Variants in GPHN observed in about 807,000 individuals in gnomAD.
GPHN encodes the protein gephyrin.
A neutral mutation model predicts 95.5 loss-of-function variants in GPHN; 17 were observed. The observed-to-expected ratio is 0.18, with a 90% CI of 0.12 to 0.27. The LOEUF (loss-of-function observed/expected upper bound fraction) is 0.27. Among genes scored for constraint, GPHN ranks in the 10% least tolerant of loss-of-function variants. GPHN has a pLI of 1.00. For synonymous variants in GPHN, 320 were observed against 322.5 expected, an observed-to-expected ratio of 0.99 and a Z score of 0.08; for missense variants, 660 against 978.1, an observed-to-expected ratio of 0.67 and a Z score of 4.34.
chr14:67,000,532 C>A (rs1462372994), intron 9 of GPHN, among the ~76,000 whole-genome samples: 1 of 151,540 alleles, frequency 6.6e-6, no homozygotes, highest in Non-Finnish European at 1.5e-5. Flanking sequence ...ATATATTTAT[C>A]TACAGTGCTC....
chr14:67,280,284 C>T, the GPHN span, among the ~76,000 whole-genome samples: 3 of 152,194 alleles, frequency 2.0e-5, no homozygotes, highest in African/African-American at 7.2e-5. Context: ...CCTTCTTGCA[C>T]GTGCACATAC....
the GPHN span, among the ~76,000 whole-genome samples, chr14:67,482,700 T>C: frequency 6.6e-6 from 1 of 152,184 alleles, no homozygotes. Flanking sequence ...CCTGTTGTCA[T>C]CAAGTTAGCA....
chr14:67,316,921 G>T, the GPHN span: 2 of 1,595,540 alleles, frequency 1.3e-6, no homozygotes, highest in Non-Finnish European at 1.7e-6. Flanking sequence ...ACTTGTATTT[G>T]ACATAAGTAA....
chr14:67,555,945 G>C, the GPHN span: 1 of 1,592,492 alleles, frequency 6.3e-7, no homozygotes, highest in South Asian at 1.1e-5. Flanking sequence ...GGCCCTTCCA[G>C]GCCCTTCCCA....
intron 7 of GPHN, 110 bp from the exon 8 acceptor site, chr14:66,924,084 C>G: frequency 1.4e-6 from 1 of 708,220 alleles, no homozygotes; most frequent in Non-Finnish European, 2.6e-6. Context: ...AAAATGTTAG[C>G]ATTTCATTTT....
In GPHN at chr14:66,922,716, A is replaced by G; in HGVS notation, c.507A>G (p.Leu169=). The change falls in exon 7 of 23, where the codon TTA becomes TTG. Residue 169 remains leucine (L), a synonymous_variant. Coordinates refer to ENST00000478722, the MANE Select transcript of GPHN (RefSeq NM_020806.5). ...LPALPHAIDL[L]RDAIVKVKEV... ...CTCTACCTCATGCCATTGACCTTTT[A>G]CGTGATGCCATTGTAAAAGTAAAGG... is the stretch of plus-strand genomic sequence containing the variant. 6.2e-7 allele frequency: 1 copy of G among 1,613,596 alleles called. No homozygotes were observed. The highest frequency in any genetic ancestry group is 1.1e-5 in the South Asian group (1 of 91,068).
chr14:66,771,948 G>C (rs913304287), intron 2 of GPHN, among the ~76,000 whole-genome samples: 2 of 151,872 alleles, frequency 1.3e-5, no homozygotes, highest in African/African-American at 4.8e-5. Context: ...TTTCTCCTAG[G>C]AGCAGTGGTT....
At chr14:66,679,499 T>A (rs1235737649) in intron 1 of GPHN, among the ~76,000 whole-genome samples, 3 of 152,222 alleles carry the variant, frequency 2.0e-5, no homozygotes, top group Admixed American at 6.5e-5. Flanking sequence ...TTTGGGCTAG[T>A]CTCAGCAATT....
chr14:67,495,542 G>C, the GPHN span, among the ~76,000 whole-genome samples: 102 of 151,706 alleles, frequency 6.7e-4, no homozygotes, highest in African/African-American at 2.3e-3. Flanking sequence ...GAGTGCAATG[G>C]CACAATCTCA....
At chr14:67,357,251 A>G in the GPHN span, among the ~76,000 whole-genome samples, 2 of 152,230 alleles carry the variant, frequency 1.3e-5, no homozygotes, top group Non-Finnish European at 2.9e-5. Context: ...ACAAGCTGCC[A>G]GTATATTTTC....
chr14:67,343,819 G>A, the GPHN span, among the ~76,000 whole-genome samples: 1 of 152,230 alleles, frequency 6.6e-6, no homozygotes. Context: ...CTGTGCCACT[G>A]TACTCCAGCT....
At chr14:67,310,422 T>C in the GPHN span, among the ~76,000 whole-genome samples, 1 of 152,200 alleles carries the variant, frequency 6.6e-6, no homozygotes, top group Admixed American at 6.5e-5. Flanking sequence ...TCAGTGTTTC[T>C]AGAAATCAGG....
In GPHN at chr14:67,122,241, T is replaced by C. The variant is rs1315714243; in HGVS notation, c.1627-15T>C. On this transcript the variant is annotated splice_polypyrimidine_tract_variant and intron_variant, in intron 16 of 22. Coordinates refer to ENST00000478722, the MANE Select transcript of GPHN (RefSeq NM_020806.5). ...ACCTAATAGAATAATTTGTGGTGGT[T>C]TTTTGGCTTTGTAGCTGCTAAATCC... 2 of 1,613,152 alleles carry C rather than the reference T, an allele frequency of 1.2e-6. No individual in the cohort carries two copies. The highest frequency in any genetic ancestry group is 1.7e-5 in the Admixed American group (1 of 60,016).
At chr14:67,651,570 G>A in the GPHN span, 2 of 1,426,258 alleles carry the variant, frequency 1.4e-6, no homozygotes, top group South Asian at 2.6e-5. Context: ...ACCACGGCTG[G>A]ATACTCTGAG....
chr14:67,619,921 C>T, the GPHN span: 331 of 1,241,772 alleles, frequency 2.7e-4, no homozygotes, highest in Non-Finnish European at 3.4e-4. Context: ...GTGGCGCTCA[C>T]TCCCGGCTTC....
chr14:66,723,510 G>A (rs2153429292), intron 2 of GPHN, among the ~76,000 whole-genome samples: 1 of 152,044 alleles, frequency 6.6e-6, no homozygotes, highest in Non-Finnish European at 1.5e-5. Context: ...AAATTTTGTT[G>A]TTGACAAATC....
At chr14:66,953,891 T>C (rs2068293463) in intron 8 of GPHN, among the ~76,000 whole-genome samples, 1 of 152,062 alleles carries the variant, frequency 6.6e-6, no homozygotes, top group Admixed American at 6.6e-5. Context: ...AAAAATTAGC[T>C]GGGCATAGTG....
chr14:67,483,277 C>T, the GPHN span, among the ~76,000 whole-genome samples: 3 of 152,208 alleles, frequency 2.0e-5, no homozygotes, highest in Admixed American at 2.0e-4. Context: ...TCCCAAAGTG[C>T]TGGGATTATA....
intron 10 of GPHN, among the ~76,000 whole-genome samples, chr14:67,054,505 C>T (rs2075456358): frequency 1.3e-5 from 2 of 152,214 alleles, no homozygotes; most frequent in African/African-American, 2.4e-5. Context: ...GAATCAATAT[C>T]ATGAAAATGG....
Sources: allele counts gnomAD v4.1 joint callset (sites outside exome capture counted in the v4.1 genomes callset), GRCh38; gene constraint gnomAD v4.1.1; transcripts MANE v1.5; gene names NCBI Gene and HGNC (gene_info 2026-07-23, HGNC 2026-07-21).